AFAP1L2: variants seen among roughly 807,000 people sequenced by gnomAD.
AFAP1L2 encodes actin filament-associated protein 1-like 2.
Under a neutral mutation model 99.3 loss-of-function variants are expected in AFAP1L2, and 46 were observed. The ratio of observed to expected loss-of-function variants is 0.46; its 90% CI spans 0.37 to 0.59. The LOEUF is 0.59. Among genes scored for constraint, AFAP1L2 ranks in the 20% least tolerant of loss-of-function variants. AFAP1L2 has a pLI of 0.00. For missense variants in AFAP1L2, 959 were observed against 1,034.9 expected (o/e 0.93, Z 1.01); for synonymous variants, 397 against 419.1 (o/e 0.95, Z 0.64).
rs1564794905 is a variant in AFAP1L2 at position 114,302,432 on chromosome 10, G to A, written c.1337C>T (p.Ser446Leu). Residue 446 changes from serine (S) to leucine (L), a missense_variant, in exon 12 of 19, where the codon TCA (serine) becomes TTA (leucine). Ser to Leu is a moderately radical substitution (Grantham distance 145). Around this residue, in one of 2 missense-constraint regions of AFAP1L2, gnomAD observed 576 missense variants for 562.1 expected, o/e 1.02. Coordinates refer to ENST00000304129, the MANE Select transcript of AFAP1L2 (RefSeq NM_001001936.3). ...CTCTTCTGGGTCTGTCTTGGAGCCT[G>A]ACTCAGAGAGCAGGAGACCCAGCCA... The part of the protein sequence containing the change: ...GHWLGLLLSE[S>L]GSKTDPEEFT... 6.2e-7 allele frequency: 1 copy of A among 1,614,164 alleles called. No individual in the cohort carries two copies. Among genetic ancestry groups the A allele is most frequent in the South Asian group, 1.1e-5 (1 of 91,090 alleles).
intron 1 of AFAP1L2, among the ~76,000 whole-genome samples, chr10:114,382,340 G>A (rs937631172): frequency 6.6e-6 from 1 of 151,982 alleles, no homozygotes; most frequent in African/African-American, 2.4e-5. Flanking sequence ...TCAGGAATGA[G>A]CTCGAGATAC....
the AFAP1L2 span, chr10:114,280,915 T>C: frequency 6.6e-6 from 1 of 151,488 alleles, no homozygotes. Flanking sequence ...ATTTTTAAGA[T>C]TTTTTTTTAT....
chr10:114,399,850 A>C (rs2058074639), intron 1 of AFAP1L2, among the ~76,000 whole-genome samples: 1 of 152,158 alleles, frequency 6.6e-6, no homozygotes, highest in Admixed American at 6.6e-5. Context: ...CTCCTCCCCA[A>C]GACACATCCT....
downstream of AFAP1L2, among the ~76,000 whole-genome samples, chr10:114,290,863 A>G (rs970679371): frequency 6.6e-6 from 1 of 152,166 alleles, no homozygotes; most frequent in African/African-American, 2.4e-5. Context: ...TAGAGGTTTG[A>G]GAGAAAAGAA....
chr10:114,385,320 T>C (rs1485277957), intron 1 of AFAP1L2, among the ~76,000 whole-genome samples: 1 of 152,110 alleles, frequency 6.6e-6, no homozygotes, highest in Admixed American at 6.6e-5. Context: ...CAGCTGTGAG[T>C]GATGCTGGGG....
chr10:114,301,910 T>C (rs1219189262), intron 12 of AFAP1L2: 6 of 260,376 alleles, frequency 2.3e-5, no homozygotes, highest in Non-Finnish European at 3.7e-5. Flanking sequence ...AGACTGGCTC[T>C]ACCACCCTGA....
At chr10:114,357,638 G>C (rs997979798) in intron 1 of AFAP1L2, among the ~76,000 whole-genome samples, 2 of 152,090 alleles carry the variant, frequency 1.3e-5, no homozygotes, top group Non-Finnish European at 2.9e-5. Context: ...AATGCAGTGG[G>C]GAAGATAAAC....
At chr10:114,329,941 G>A (rs1369995444) in intron 4 of AFAP1L2, among the ~76,000 whole-genome samples, 3 of 152,110 alleles carry the variant, frequency 2.0e-5, no homozygotes, top group East Asian at 3.9e-4. Context: ...CCCATCCCTC[G>A]ATGGGTGGTG....
the AFAP1L2 span, chr10:114,284,985 G>A: frequency 3.2e-6 from 5 of 1,573,302 alleles, no homozygotes; most frequent in East Asian, 2.4e-5. Flanking sequence ...GTATGCACCG[G>A]CCCTGCAAGA....
chr10:114,306,985 A>C (rs1436972923), intron 10 of AFAP1L2, among the ~76,000 whole-genome samples: 1 of 152,026 alleles, frequency 6.6e-6, no homozygotes, highest in Non-Finnish European at 1.5e-5. Flanking sequence ...ACTGGGACTC[A>C]GGAAGGGAAC....
upstream of AFAP1L2, chr10:114,404,549 G>T (rs1042005181): frequency 2.1e-6 from 3 of 1,435,060 alleles, no homozygotes; most frequent in African/African-American, 3.0e-5. Flanking sequence ...GCCCCTCCCC[G>T]TGAGGTCACG....
chr10:114,368,744 A>T (rs1170416502), intron 1 of AFAP1L2, among the ~76,000 whole-genome samples: 2 of 149,858 alleles, frequency 1.3e-5, no homozygotes, highest in African/African-American at 2.5e-5. Context: ...ATTTTCCTAA[A>T]CATGGATCTT....
Position 114,295,410 on chromosome 10 carries a change from G to A in AFAP1L2, c.*632C>T, listed in dbSNP as rs923120704. The A allele has an allele frequency of 5.1e-6, 5 of 985,646 alleles. No homozygotes were observed. Among genetic ancestry groups the A allele is most frequent in the East Asian group, 1.1e-4 (1 of 8,836 alleles). 61.1% of individuals were successfully genotyped at this position (985,646 alleles called of 1,614,324 possible). ...GGACTGGAAAGAAGTCTTTAACTTA[G>A]TGGGATTAGTGCTTCAGCTTGGTCC... On this transcript the variant is annotated 3_prime_UTR_variant, in exon 19 of 19. Transcript: ENST00000304129.
At chr10:114,319,701 G>C in intron 5 of AFAP1L2, 5 of 1,223,956 alleles carry the variant, frequency 4.1e-6, no homozygotes, top group South Asian at 2.5e-5. Flanking sequence ...AGAATGAAGA[G>C]AGGAGCACGC....
chr10:114,331,458 G>A (rs2047216201), intron 4 of AFAP1L2, among the ~76,000 whole-genome samples: 1 of 152,076 alleles, frequency 6.6e-6, no homozygotes, highest in African/African-American at 2.4e-5. Flanking sequence ...ACTGCACCTG[G>A]CTAGTGCAAA....
Position 114,300,589 on chromosome 10 carries a change from A to G in AFAP1L2, c.1644T>C (p.His548=), listed in dbSNP as rs771000226. ...LDLTPVKSFL[H]GPSSAQAQAS... The stretch of plus-strand genomic sequence containing the variant: ...CCTGGGCCTGTGCACTGCTGGGGCC[A>G]TGCAGAAAGGACTTGACAGGTGTGA... The change falls in exon 14 of 19, where the codon CAT becomes CAC. Residue 548 remains histidine (H), a synonymous_variant. Transcript: ENST00000304129. 6.2e-7 allele frequency: 1 copy of G among 1,614,174 alleles called. No individual in the cohort carries two copies. The highest frequency in any genetic ancestry group is 8.5e-7 in the Non-Finnish European group (1 of 1,180,014).
intron 1 of AFAP1L2, among the ~76,000 whole-genome samples, chr10:114,355,905 C>T (rs531658959): frequency 6.6e-6 from 1 of 152,110 alleles, no homozygotes; most frequent in African/African-American, 2.4e-5. Flanking sequence ...CCCAGGAGGT[C>T]GAGGCTGCAG....
chr10:114,318,128 A>C (rs1269118713), intron 5 of AFAP1L2, among the ~76,000 whole-genome samples: 1 of 152,234 alleles, frequency 6.6e-6, no homozygotes, highest in Non-Finnish European at 1.5e-5. Flanking sequence ...AAAATAGTTG[A>C]TTTGATGGGT....
intron 1 of AFAP1L2, among the ~76,000 whole-genome samples, chr10:114,389,039 C>T (rs999017729): frequency 5.9e-5 from 9 of 152,168 alleles, no homozygotes; most frequent in Non-Finnish European, 1.0e-4. Context: ...TTTCTATGTT[C>T]CGGAAGACTT....
Sources: allele counts gnomAD v4.1 joint callset (sites outside exome capture counted in the v4.1 genomes callset), GRCh38; gene constraint gnomAD v4.1.1; regional missense constraint gnomAD v4.1.1; transcripts MANE v1.5; gene names NCBI Gene and HGNC (gene_info 2026-07-23, HGNC 2026-07-21).